The following EFTUD2 variants were observed in gnomAD, a reference collection of about 807,000 sequenced individuals.
EFTUD2 encodes elongation factor Tu GTP binding domain containing 2.
EFTUD2 carries 9 observed loss-of-function variants against 114.3 expected under a neutral mutation model. That is an observed-to-expected ratio of 0.08 (90% CI 0.05 to 0.14). The LOEUF (loss-of-function observed/expected upper bound fraction) is 0.14, where lower values mean the gene tolerates loss of function less well. Among genes scored for constraint, EFTUD2 ranks in the 10% least tolerant of loss-of-function variants. EFTUD2 has a pLI of 1.00. For missense variants in EFTUD2, 765 were observed against 1,241.2 expected (o/e 0.62, Z 5.76); for synonymous variants, 449 against 462.3 (o/e 0.97, Z 0.37).
intron 11 of EFTUD2, among the ~76,000 whole-genome samples, chr17:44,870,052 G>A (rs1057447305): frequency 4.6e-5 from 7 of 152,182 alleles, no homozygotes; most frequent in African/African-American, 1.7e-4. Flanking sequence ...TTCCCCTCAT[G>A]TAAAATGAAG....
intron 20 of EFTUD2, among the ~76,000 whole-genome samples, chr17:44,855,530 T>C (rs2050534103): frequency 6.6e-6 from 1 of 152,032 alleles, no homozygotes; most frequent in Admixed American, 6.6e-5. Context: ...ATTGTGCCAC[T>C]GCACTCCAGC....
At chr17:44,864,691 C>A (rs901990582) in intron 14 of EFTUD2, among the ~76,000 whole-genome samples, 3 of 152,214 alleles carry the variant, frequency 2.0e-5, no homozygotes, top group African/African-American at 7.2e-5. Flanking sequence ...ATCTCATTTA[C>A]TTGAACACTC....
At chr17:44,852,346 C>T in intron 26 of EFTUD2, 63 bp downstream of exon 26, 2 of 1,601,974 alleles carry the variant, frequency 1.2e-6, no homozygotes, top group Non-Finnish European at 1.7e-6. Context: ...GGGATCAGGA[C>T]AGAAGGGGAT....
Position 44,869,659 on chromosome 17 carries a change from A to C in EFTUD2, c.995-1309T>G, listed in dbSNP as rs75431182. Among the ~76,000 whole-genome samples, 1,309 of 152,184 alleles carry C rather than the reference A, an allele frequency of 8.6e-3. 20 individuals are homozygous for C. Among genetic ancestry groups the C allele is most frequent in the African/African-American group, 0.029 (1,214 of 41,494 alleles). On this transcript the variant is annotated intron_variant, in intron 11 of 27. Transcript: ENST00000426333. The stretch of plus-strand genomic sequence containing the variant: ...CTGTTACCTGAACAGGCCATGACTA[A>C]CACCACCTGCCTCTATGCCTCTTTC...
chr17:44,864,524 T>G (rs1257457757), intron 14 of EFTUD2, among the ~76,000 whole-genome samples: 1 of 152,146 alleles, frequency 6.6e-6, no homozygotes, highest in Non-Finnish European at 1.5e-5. Context: ...TTTCAACCAG[T>G]CCAGTGTCTT....
Position 44,894,270 on chromosome 17 carries a change from CA to C in EFTUD2, c.105+146del. On this transcript the variant is annotated intron_variant, in intron 2 of 27. Coordinates refer to ENST00000426333, the MANE Select transcript of EFTUD2 (RefSeq NM_004247.4). ...CTGTAGTCCCAGCTACTTGGGAGGC[CA>C]AGGTGGGAGGATCACTTAAGCCCAG... 6 of 641,046 alleles carry C rather than the reference CA, an allele frequency of 9.4e-6. No individual in the cohort carries two copies. In the South Asian group the frequency reaches 1.1e-4, roughly 12 times the overall value. The allele number at this position is 641,046 out of a possible 1,614,324, so 39.7% of individuals were successfully genotyped here.
rs556931351 is a variant in EFTUD2, at chr17:44,876,543, C to T, written c.703-443G>A. Among the ~76,000 whole-genome samples the T allele has an allele frequency of 5.3e-5, 8 of 152,254 alleles. No individual in the cohort carries two copies. The South Asian group carries it at 1.4e-3, about 28-fold the overall frequency. ...CCCAGTAGCAATGAGCACATCCAAA[C>T]CTTTGTTTCTAAATACTAATCCCCA... On this transcript the variant is annotated intron_variant, in intron 9 of 27. Transcript: ENST00000426333.
intron 2 of EFTUD2, among the ~76,000 whole-genome samples, chr17:44,889,086 G>A (rs75243770): frequency 5.2e-4 from 79 of 152,228 alleles, no homozygotes; most frequent in South Asian, 3.1e-3. Context: ...TGGTCAGTGC[G>A]GAGGAAAACC....
chr17:44,873,432 T>G (rs1355070286), intron 10 of EFTUD2, among the ~76,000 whole-genome samples: 1 of 152,150 alleles, frequency 6.6e-6, no homozygotes, highest in African/African-American at 2.4e-5. Context: ...CACCATTCAC[T>G]GTAGCCTCGA....
intron 9 of EFTUD2, among the ~76,000 whole-genome samples, chr17:44,876,705 G>A (rs2050957080): frequency 6.6e-6 from 1 of 151,764 alleles, no homozygotes; most frequent in Non-Finnish European, 1.5e-5. Context: ...ACAAAAAGAT[G>A]AGCTGGGCGT....
Position 44,854,035 on chromosome 17 carries a change from T to G in EFTUD2, c.2347+234A>C. On this transcript the variant is annotated intron_variant, in intron 23 of 27. Coordinates refer to ENST00000426333, the MANE Select transcript of EFTUD2 (RefSeq NM_004247.4). The surrounding 1 kb of genome is among the most constrained non-coding windows in gnomAD (Gnocchi z 4.3). The stretch of plus-strand genomic sequence containing the variant: ...CTCAAATACGTCCAACGCCAAACCC[T>G]TCTCAGAAATGAGGAGCAAATGACA... 7.3e-7 allele frequency: 1 copy of G among 1,375,724 alleles called. No individual in the cohort carries two copies. The highest frequency in any genetic ancestry group is 9.3e-7 in the Non-Finnish European group (1 of 1,069,702). 85.2% of individuals were successfully genotyped at this position (1,375,724 alleles called of 1,614,324 possible). A position where few individuals can be genotyped will look rare whatever the true frequency, so the allele number is the denominator to read the frequency against.
intron 6 of EFTUD2, 143 bp from the exon 7 acceptor site, chr17:44,881,865 C>A: frequency 1.4e-6 from 1 of 700,554 alleles, no homozygotes; most frequent in Non-Finnish European, 2.5e-6. Flanking sequence ...GTCCCCACAG[C>A]AATTACAGAC....
rs2050438581 is a variant in EFTUD2, at chr17:44,851,044, C to A, written c.*230G>T. 7 of 506,652 alleles carry A rather than the reference C, an allele frequency of 1.4e-5. No homozygotes were observed. In the Admixed American group the frequency reaches 1.6e-4, roughly 11 times the overall value. 31.4% of individuals were successfully genotyped at this position (506,652 alleles called of 1,614,324 possible). On this transcript the variant is annotated 3_prime_UTR_variant, in exon 28 of 28. Coordinates refer to ENST00000426333, the MANE Select transcript of EFTUD2 (RefSeq NM_004247.4). ...TCTCTTTCTGTGAGCCCAAGCTCCT[C>A]TCTTTTCCTTGGGAATGGAGCCCGG... is the stretch of plus-strand genomic sequence containing the variant.
At chr17:44,851,602 A>C in intron 27 of EFTUD2, 108 bp downstream of exon 27, 1 of 1,189,648 alleles carries the variant, frequency 8.4e-7, no homozygotes, top group Non-Finnish European at 1.2e-6. Context: ...ATATCTCTAC[A>C]TTGGAAAAGT....
intron 16 of EFTUD2, among the ~76,000 whole-genome samples, chr17:44,861,687 C>A (rs893101964): frequency 6.6e-6 from 1 of 151,916 alleles, no homozygotes; most frequent in South Asian, 2.1e-4. Flanking sequence ...AAGCCGAGAT[C>A]ACAGGCACTG....
intron 8 of EFTUD2, chr17:44,880,335 A>C: frequency 5.0e-6 from 2 of 399,084 alleles, no homozygotes; most frequent in Non-Finnish European, 4.6e-6. Context: ...ATTTTTAAAT[A>C]TTCGAAAGAG....
At chr17:44,873,622 T>C (rs999205900) in intron 10 of EFTUD2, among the ~76,000 whole-genome samples, 2 of 152,120 alleles carry the variant, frequency 1.3e-5, no homozygotes, top group African/African-American at 4.8e-5. Context: ...AGTGCTGGGA[T>C]TCTAGGTATA....
chr17:44,889,085 C>T (rs760832319), intron 2 of EFTUD2, among the ~76,000 whole-genome samples: 7 of 151,978 alleles, frequency 4.6e-5, no homozygotes, highest in East Asian at 3.9e-4. Flanking sequence ...ATGGTCAGTG[C>T]GGAGGAAAAC....
At chr17:44,851,608 A>G (rs2050450912) in intron 27 of EFTUD2, 102 bp downstream of exon 27, 2 of 1,231,720 alleles carry the variant, frequency 1.6e-6, no homozygotes, top group Admixed American at 2.8e-5. Flanking sequence ...CTACATTGGA[A>G]AAGTGTCCCT....
Sources: allele counts gnomAD v4.1 joint callset (sites outside exome capture counted in the v4.1 genomes callset), GRCh38; gene constraint gnomAD v4.1.1; non-coding constraint Gnocchi (gnomAD v3.1); transcripts MANE v1.5; gene names NCBI Gene and HGNC (gene_info 2026-07-23, HGNC 2026-07-21).